EXOC2: variants seen among roughly 807,000 people sequenced by gnomAD.
The protein encoded by EXOC2 is exocyst complex component 2, also known as SEC5-like 1.
In EXOC2, 70 loss-of-function variants were observed where a neutral mutation model predicts 131.8. That is an observed-to-expected ratio of 0.53 (90% CI 0.44 to 0.65). EXOC2 has a LOEUF of 0.65. Among genes scored for constraint, EXOC2 ranks in the 30% least tolerant of loss-of-function variants. The pLI, the probability that EXOC2 is intolerant of heterozygous loss-of-function variation, is 0.00. For synonymous variants in EXOC2, 411 were observed against 398.4 expected, an observed-to-expected ratio of 1.03 and a Z score of -0.38; for missense variants, 923 against 1,108.6, an observed-to-expected ratio of 0.83 and a Z score of 2.38.
intron 25 of EXOC2, among the ~76,000 whole-genome samples, chr6:495,162 T>G (rs974316565): frequency 2.7e-5 from 4 of 150,394 alleles, no homozygotes; most frequent in Non-Finnish European, 4.4e-5. Context: ...GTCTCGCTCT[T>G]TCGTCCAGGC....
In EXOC2 at chr6:497,510, A is replaced by G. The variant is rs200814222; in HGVS notation, c.2437-21T>C. The G allele has an allele frequency of 5.0e-5, 80 of 1,601,784 alleles. No homozygotes were observed. The East Asian group carries it at 9.0e-4, about 18-fold the overall frequency. ...AACACCTGGTTTGAAATAGGAAGAC[A>G]TGGTGCTTTGTGGGGCTTTTTGACT... On this transcript the variant is annotated intron_variant, in intron 24 of 27. Transcript: ENST00000230449.
intron 23 of EXOC2, among the ~76,000 whole-genome samples, chr6:502,677 G>GAA (rs35601508): frequency 6.7e-6 from 1 of 149,026 alleles, no homozygotes. Context: ...AGAAAATTTG[G>GAA]AAAAAAAAAA....
intron 25 of EXOC2, among the ~76,000 whole-genome samples, chr6:495,908 T>TATCCTTATTTCTGTTGTTCATACTG (rs1763709155): frequency 2.0e-5 from 3 of 152,190 alleles, no homozygotes; most frequent in African/African-American, 7.2e-5. Context: ...TTCCCCCAAT[T>TATCCTTATTTCTGTTGTTCATACTG]ATCCTTATTT....
intron 13 of EXOC2, among the ~76,000 whole-genome samples, chr6:569,155 ACT>A (rs1178216102): frequency 6.6e-6 from 1 of 152,138 alleles, no homozygotes. Flanking sequence ...TAAAATGCTG[ACT>A]CTTAATATTC....
In EXOC2 at chr6:685,918, A is replaced by AGGTTGGAC. The variant is rs563964866; in HGVS notation, c.-44+7093_-44+7100dup. Among the ~76,000 whole-genome samples the AGGTTGGAC allele has an allele frequency of 1.7e-3, 207 of 119,172 alleles. 1 individual carries two copies. The highest frequency in any genetic ancestry group is 6.5e-3 in the African/African-American group (201 of 30,694). 78.2% of individuals were successfully genotyped at this position (119,172 alleles called of 152,430 possible). A position where few individuals can be genotyped will look rare whatever the true frequency, so the allele number is the denominator to read the frequency against. Reference sequence around the variant, plus strand: ...TGAGACGGAGTCTTGCTCTGTCGCCAGGTTGGACTGAACAGGTAAGAAGTA... The same window carrying AGGTTGGAC: ...TGAGACGGAGTCTTGCTCTGTCGCCAGGTTGGACGGTTGGACTGAACAGGTAAGAAGTA... On this transcript the variant is annotated intron_variant, in intron 1 of 27. Coordinates refer to ENST00000230449, the MANE Select transcript of EXOC2 (RefSeq NM_018303.6).
chr6:538,286 T>C (rs1766586969), intron 22 of EXOC2, among the ~76,000 whole-genome samples: 1 of 152,226 alleles, frequency 6.6e-6, no homozygotes, highest in Non-Finnish European at 1.5e-5. Flanking sequence ...CTAGCAGCTA[T>C]TTCTATTAAC....
intron 1 of EXOC2, among the ~76,000 whole-genome samples, chr6:654,513 G>A (rs1762970095): frequency 6.6e-6 from 1 of 152,066 alleles, no homozygotes; most frequent in Non-Finnish European, 1.5e-5. Context: ...AAAATTAGAA[G>A]TAGAGGCTGG....
intron 2 of EXOC2, among the ~76,000 whole-genome samples, chr6:633,637 T>C (rs1761962479): frequency 6.6e-6 from 1 of 152,210 alleles, no homozygotes; most frequent in African/African-American, 2.4e-5. Flanking sequence ...TATTTAAGCA[T>C]AACCAAGAGT....
intron 4 of EXOC2, among the ~76,000 whole-genome samples, chr6:625,374 T>C (rs1231148795): frequency 1.3e-5 from 2 of 152,256 alleles, no homozygotes; most frequent in African/African-American, 4.8e-5. Context: ...ATTTGGCGGA[T>C]GGAAGACGGA....
At position 501,176 on chromosome 6, in the gene EXOC2, CTATATATTATATATATCTATATATAT is replaced by C. The variant is rs1764074022; in HGVS notation, c.2381-1502_2381-1477del. On this transcript the variant is annotated intron_variant, in intron 23 of 27. Coordinates refer to ENST00000230449, the MANE Select transcript of EXOC2 (RefSeq NM_018303.6). Reference sequence around the variant, plus strand: ...ATATATCTATATATATTATATATATCTATATATTATATATATCTATATATATTATATATATATTATATATATCTATA... The same window carrying C: ...ATATATCTATATATATTATATATATCTATATATATATTATATATATCTATA... Among the ~76,000 whole-genome samples the C allele has an allele frequency of 3.1e-4, 2 of 6,358 alleles. 1 individual carries two copies. Among genetic ancestry groups the C allele is most frequent in the South Asian group, 0.011 (2 of 176 alleles). 4.2% of individuals were successfully genotyped at this position (6,358 alleles called of 152,430 possible).
chr6:636,851 C>G (rs1762125970), intron 2 of EXOC2, among the ~76,000 whole-genome samples: 1 of 152,190 alleles, frequency 6.6e-6, no homozygotes. Flanking sequence ...ACTCTCTACC[C>G]TGGCTGTCCC....
chr6:549,602 A>G (rs1757040028), intron 21 of EXOC2, among the ~76,000 whole-genome samples: 1 of 152,264 alleles, frequency 6.6e-6, no homozygotes, highest in Admixed American at 6.5e-5. Context: ...AACTGGGATC[A>G]GTGTTGCTTA....
chr6:549,125 A>AG (rs762012284), intron 22 of EXOC2, 50 bp downstream of exon 22: 1 of 1,482,042 alleles, frequency 6.7e-7, no homozygotes, highest in Non-Finnish European at 9.4e-7. Context: ...CAGCTTGAAA[A>AG]CTGAGCTGGT....
At position 564,226 on chromosome 6, in the gene EXOC2, T is replaced by C. The variant is rs1214914292; in HGVS notation, c.1668-72A>G. ...AAGCAATCCCTAGCATCTCTTTCAC[T>C]GTATAATCATTCCTCACGGAGCTTA... On this transcript the variant is annotated intron_variant, in intron 15 of 27. Coordinates refer to ENST00000230449, the MANE Select transcript of EXOC2 (RefSeq NM_018303.6). 1.9e-6 allele frequency: 3 copies of C among 1,562,180 alleles called. No individual in the cohort carries two copies. In the African/African-American group the frequency reaches 4.1e-5, roughly 21 times the overall value.
chr6:682,543 A>G (rs4959379), intron 1 of EXOC2, among the ~76,000 whole-genome samples: 21,973 of 152,066 alleles, frequency 0.14, 1,766 homozygotes, highest in African/African-American at 0.21. Flanking sequence ...ATGATTACTT[A>G]ACTATAACCA....
rs759525709 is a variant in EXOC2 at position 592,630 on chromosome 6, G to A, written c.1074-43C>T. 8 of 1,456,126 alleles carry A rather than the reference G, an allele frequency of 5.5e-6. No individual in the cohort carries two copies. The East Asian group carries it at 1.6e-4, about 29-fold the overall frequency. The allele number at this position is 1,456,126 out of a possible 1,614,324, so 90.2% of individuals were successfully genotyped here. ...AGGTTGAGGCCAAAGGGAAATGCTG[G>A]CATATTTTAAAATCATTACTTTTTA... On this transcript the variant is annotated intron_variant, in intron 10 of 27. Coordinates refer to ENST00000230449, the MANE Select transcript of EXOC2 (RefSeq NM_018303.6).
chr6:652,000 G>A (rs186813005), intron 1 of EXOC2, among the ~76,000 whole-genome samples: 11 of 147,810 alleles, frequency 7.4e-5, no homozygotes, highest in Non-Finnish European at 1.5e-4. Context: ...AGGTTGCAGT[G>A]AGCCAAGATT....
intron 22 of EXOC2, 39 bp downstream of exon 22, chr6:549,136 A>T (rs762140803): frequency 1.3e-6 from 2 of 1,557,826 alleles, no homozygotes; most frequent in South Asian, 2.2e-5. Context: ...CTGAGCTGGT[A>T]AAACCACCGA....
intron 21 of EXOC2, among the ~76,000 whole-genome samples, chr6:550,584 A>T (rs778620805): frequency 2.6e-5 from 4 of 152,208 alleles, no homozygotes; most frequent in Non-Finnish European, 4.4e-5. Flanking sequence ...CAAGGTAAAT[A>T]GGGTTGTATT....
Sources: gnomAD v4.1 joint callset for allele counts (sites outside exome capture counted in the v4.1 genomes callset) on GRCh38, gnomAD v4.1.1 for gene constraint, MANE v1.5 for transcripts, NCBI Gene and HGNC (gene_info 2026-07-23, HGNC 2026-07-21) for gene names.